Variants in TTLL11 observed in about 807,000 individuals in gnomAD.
The protein encoded by TTLL11 is tubulin polyglutamylase TTLL11.
Under a neutral mutation model 51.7 loss-of-function variants are expected in TTLL11, and 42 were observed. The ratio of observed to expected loss-of-function variants is 0.81; its 90% confidence interval spans 0.64 to 1.05. TTLL11 has a LOEUF of 1.05. Among genes scored for constraint, TTLL11 ranks in the 50% least tolerant of loss-of-function variants. The probability of loss-of-function intolerance (pLI) is 0.00; values close to 1 mark genes in which losing one functional copy is unlikely to be tolerated. For synonymous variants in TTLL11, 381 were observed against 383.5 expected (o/e 0.99, Z 0.08); for missense variants, 799 against 940.4 (o/e 0.85, Z 1.97).
intron 6 of TTLL11, among the ~76,000 whole-genome samples, chr9:121,962,830 C>CT (rs939656040): frequency 6.6e-6 from 1 of 152,218 alleles, no homozygotes; most frequent in Non-Finnish European, 1.5e-5. Flanking sequence ...ATAGACCTTC[C>CT]TTACCCATAA....
intron 6 of TTLL11, among the ~76,000 whole-genome samples, chr9:121,871,750 C>T (rs1300278581): frequency 6.6e-6 from 1 of 152,232 alleles, no homozygotes; most frequent in African/African-American, 2.4e-5. Flanking sequence ...TTCCAATCAT[C>T]CCCCTGCCAG....
At chr9:122,079,713 A>G (rs1845951487) in intron 1 of TTLL11, among the ~76,000 whole-genome samples, 1 of 152,024 alleles carries the variant, frequency 6.6e-6, no homozygotes, top group South Asian at 2.1e-4. Context: ...TGTCTCAAAA[A>G]AAAAAAAAGA....
At chr9:122,052,486 A>G (rs1291472949) in intron 1 of TTLL11, among the ~76,000 whole-genome samples, 1 of 152,196 alleles carries the variant, frequency 6.6e-6, no homozygotes, top group African/African-American at 2.4e-5. Flanking sequence ...GATTAATAGT[A>G]TGTTTGGACC....
intron 6 of TTLL11, among the ~76,000 whole-genome samples, chr9:121,901,843 A>T (rs1485709379): frequency 2.0e-5 from 3 of 151,316 alleles, no homozygotes; most frequent in East Asian, 3.9e-4. Flanking sequence ...ACACCTGTTC[A>T]CTCCCTCTGA....
Position 121,891,530 on chromosome 9 carries a change from T to C in TTLL11, c.1482-20782A>G, listed in dbSNP as rs1379002278. On this transcript the variant is annotated intron_variant, in intron 6 of 8. Coordinates refer to ENST00000321582, the MANE Select transcript of TTLL11 (RefSeq NM_001139442.2). ...GTCATCTCTGGGGCCAGCCGGTAAG[T>C]GTTGGCCCCAGAAAAAATCCCTGTC... 3.3e-5 allele frequency among the ~76,000 whole-genome samples: 5 copies of C among 152,218 alleles called. No homozygotes were observed. In the East Asian group the frequency reaches 5.8e-4, roughly 18 times the overall value.
chr9:121,970,296 T>C (rs1009165078), intron 6 of TTLL11, among the ~76,000 whole-genome samples: 1 of 152,218 alleles, frequency 6.6e-6, no homozygotes, highest in African/African-American at 2.4e-5. Flanking sequence ...CTGCAGCTCA[T>C]ATAGATGACA....
intron 6 of TTLL11, among the ~76,000 whole-genome samples, chr9:121,880,807 A>G (rs1000972829): frequency 6.6e-6 from 1 of 152,234 alleles, no homozygotes; most frequent in Non-Finnish European, 1.5e-5. Flanking sequence ...AGTTAGTCAC[A>G]GTTACTAACG....
chr9:122,067,248 TA>T (rs1845610810), intron 1 of TTLL11, among the ~76,000 whole-genome samples: 1 of 152,140 alleles, frequency 6.6e-6, no homozygotes, highest in African/African-American at 2.4e-5. Context: ...AAATAACCTA[TA>T]AAAACTCCCT....
intron 8 of TTLL11, among the ~76,000 whole-genome samples, chr9:121,847,338 C>A (rs1406936044): frequency 6.6e-6 from 1 of 151,632 alleles, no homozygotes; most frequent in Non-Finnish European, 1.5e-5. Flanking sequence ...ATTGATAAAT[C>A]TCTAGCCCAG....
intron 3 of TTLL11, among the ~76,000 whole-genome samples, chr9:122,003,268 T>C (rs1269809908): frequency 6.6e-6 from 1 of 152,172 alleles, no homozygotes; most frequent in Non-Finnish European, 1.5e-5. Flanking sequence ...GGGAATGCTT[T>C]TAAAATTATA....
chr9:121,842,750 T>G (rs757610515), intron 8 of TTLL11, among the ~76,000 whole-genome samples: 1 of 152,236 alleles, frequency 6.6e-6, no homozygotes, highest in Non-Finnish European at 1.5e-5. Flanking sequence ...TCTGCTCTCT[T>G]GGGTTAAATG....
chr9:121,993,549 A>G (rs1843171430), intron 3 of TTLL11, among the ~76,000 whole-genome samples: 1 of 152,204 alleles, frequency 6.6e-6, no homozygotes, highest in Admixed American at 6.5e-5. Flanking sequence ...ATTTATCTTG[A>G]TATCACCACA....
At chr9:121,964,896 A>G (rs1347016428) in intron 6 of TTLL11, among the ~76,000 whole-genome samples, 1 of 152,132 alleles carries the variant, frequency 6.6e-6, no homozygotes, top group East Asian at 1.9e-4. Flanking sequence ...TCTCTTGGCA[A>G]TTTGTCTTTA....
chr9:121,971,512 G>A (rs367941301), intron 6 of TTLL11, among the ~76,000 whole-genome samples: 6,904 of 106,892 alleles, frequency 0.065, 7 homozygotes, highest in Middle Eastern at 0.14. Context: ...CTGCCCGGCC[G>A]CCCCTACTGG....
intron 3 of TTLL11, among the ~76,000 whole-genome samples, chr9:121,990,751 C>T (rs1843088248): frequency 6.6e-6 from 1 of 152,200 alleles, no homozygotes; most frequent in South Asian, 2.1e-4. Flanking sequence ...ACCAATCCTT[C>T]CATCTGTTGA....
chr9:121,892,946 C>T (rs1302018896), intron 6 of TTLL11, among the ~76,000 whole-genome samples: 1 of 152,100 alleles, frequency 6.6e-6, no homozygotes, highest in Admixed American at 6.6e-5. Context: ...GCCCAGAACT[C>T]CCCCTCACTG....
intron 3 of TTLL11, among the ~76,000 whole-genome samples, chr9:121,997,176 T>A (rs2131712654): frequency 6.6e-6 from 1 of 152,306 alleles, no homozygotes; most frequent in East Asian, 1.9e-4. Flanking sequence ...CTACCCATCA[T>A]TAGTGAGCAA....
At chr9:122,054,574 C>G (rs1309409416) in intron 1 of TTLL11, among the ~76,000 whole-genome samples, 1 of 152,152 alleles carries the variant, frequency 6.6e-6, no homozygotes, top group African/African-American at 2.4e-5. Context: ...TTTCCACTTT[C>G]CAATTCATGA....
At position 121,822,512 on chromosome 9, in the gene TTLL11, C is replaced by T. The variant is rs1836608791; in HGVS notation, c.*75G>A. 6 of 1,351,220 alleles carry T rather than the reference C, an allele frequency of 4.4e-6. No individual in the cohort carries two copies. The highest frequency in any genetic ancestry group is 5.8e-6 in the Non-Finnish European group (6 of 1,029,206). 83.7% of individuals were successfully genotyped at this position (1,351,220 alleles called of 1,614,324 possible). On this transcript the variant is annotated 3_prime_UTR_variant, in exon 9 of 9. Coordinates refer to ENST00000321582, the MANE Select transcript of TTLL11 (RefSeq NM_001139442.2). The surrounding 1 kb of genome is among the most constrained non-coding windows in gnomAD (Gnocchi z 5.8). ...CGGCAGCCTGCCTGCCATTCCTCTG[C>T]AGGCAGAATGCCTGGGGCGCTCCAG...
Sources: allele counts gnomAD v4.1 joint callset (sites outside exome capture counted in the v4.1 genomes callset), GRCh38; gene constraint gnomAD v4.1.1; non-coding constraint Gnocchi (gnomAD v3.1); transcripts MANE v1.5; gene names NCBI Gene and HGNC (gene_info 2026-07-23, HGNC 2026-07-21).